NRG1: variants seen among roughly 807,000 people sequenced by gnomAD.
NRG1 encodes the protein neuregulin 1.
NRG1 carries 18 observed loss-of-function variants against 63.8 expected under a neutral mutation model. The ratio of observed to expected loss-of-function variants is 0.28; its 90% CI spans 0.19 to 0.42. NRG1 has a LOEUF of 0.42. Ranked by LOEUF, NRG1 falls within the 10% of genes least tolerant of loss-of-function variation. The probability of loss-of-function intolerance (pLI) is 1.00; values close to 1 mark genes in which losing one functional copy is unlikely to be tolerated. For synonymous variants in NRG1, 302 were observed against 301.3 expected (o/e 1.00, Z -0.02); for missense variants, 762 against 814.7 (o/e 0.94, Z 0.79).
intron 5 of NRG1, among the ~76,000 whole-genome samples, chr8:32,717,540 A>G (rs1007486375): frequency 1.3e-5 from 2 of 152,176 alleles, no homozygotes; most frequent in African/African-American, 4.8e-5. Flanking sequence ...AAATTAGCCA[A>G]GTGTTATGGA....
chr8:32,565,098 T>C (rs1183972473), intron 1 of NRG1, among the ~76,000 whole-genome samples: 2 of 152,090 alleles, frequency 1.3e-5, no homozygotes, highest in Non-Finnish European at 2.9e-5. Flanking sequence ...AACAAATCTT[T>C]TTTGAAGTTA....
At chr8:32,771,894 A>G (rs1831831417), downstream of NRG1, among the ~76,000 whole-genome samples, 1 of 147,172 alleles carries the variant, frequency 6.8e-6, no homozygotes. Context: ...GTGGTGGCAC[A>G]TGCCTGTAAT....
At chr8:31,980,907 T>C (rs2129630758) in intron 1 of NRG1, among the ~76,000 whole-genome samples, 1 of 152,182 alleles carries the variant, frequency 6.6e-6, no homozygotes, top group Non-Finnish European at 1.5e-5. Flanking sequence ...TGTCAATGAA[T>C]GTGACAATGT....
intron 1 of NRG1, among the ~76,000 whole-genome samples, chr8:32,472,935 C>T (rs7844597): frequency 0.5 from 75,878 of 152,018 alleles, 19,502 homozygotes; most frequent in Non-Finnish European, 0.52. Flanking sequence ...TCCTGGAATT[C>T]TAATAGTATT....
intron 1 of NRG1, among the ~76,000 whole-genome samples, chr8:31,873,054 A>G (rs769716311): frequency 4.6e-5 from 7 of 152,238 alleles, no homozygotes; most frequent in Non-Finnish European, 1.0e-4. Context: ...CTCATGTTTC[A>G]CATACTTCTT....
intron 1 of NRG1, among the ~76,000 whole-genome samples, chr8:32,300,681 G>A (rs1396340248): frequency 1.3e-5 from 2 of 152,170 alleles, no homozygotes; most frequent in East Asian, 3.9e-4. Flanking sequence ...TTTTGTTGTA[G>A]CTTTAGATTG....
intron 1 of NRG1, among the ~76,000 whole-genome samples, chr8:32,200,220 C>T (rs1025297808): frequency 4.6e-5 from 7 of 152,130 alleles, no homozygotes; most frequent in Admixed American, 3.9e-4. Flanking sequence ...ACTAATGTTT[C>T]CTCTAGTGTT....
chr8:31,834,790 A>C (rs1825542601), intron 1 of NRG1, among the ~76,000 whole-genome samples: 2 of 152,238 alleles, frequency 1.3e-5, no homozygotes, highest in Non-Finnish European at 2.9e-5. Context: ...ATGGTTTAAC[A>C]ACCTCAGTGA....
intron 1 of NRG1, among the ~76,000 whole-genome samples, chr8:31,877,885 G>T (rs114519573): frequency 0.01 from 1,587 of 152,292 alleles, 31 homozygotes; most frequent in African/African-American, 0.037. Context: ...GGATTTTGAT[G>T]TAGGTTAGAG....
intron 1 of NRG1, chr8:32,192,246 A>G (rs1170300349): frequency 6.6e-6 from 1 of 152,332 alleles, no homozygotes; most frequent in African/African-American, 2.4e-5. Context: ...TACTGGGTAT[A>G]TATCCAAAAA....
chr8:31,813,304 T>C (rs1212553099), intron 1 of NRG1, among the ~76,000 whole-genome samples: 1 of 152,186 alleles, frequency 6.6e-6, no homozygotes, highest in Admixed American at 6.5e-5. Flanking sequence ...TGTATGTATG[T>C]ATGGGGTACA....
chr8:32,252,739 A>G (rs1290737799), intron 1 of NRG1, among the ~76,000 whole-genome samples: 2 of 152,112 alleles, frequency 1.3e-5, no homozygotes, highest in South Asian at 2.1e-4. Flanking sequence ...AAGAAAGTCA[A>G]TAGTAGCTTG....
At chr8:32,346,048 A>AG (rs2129478877) in intron 1 of NRG1, among the ~76,000 whole-genome samples, 1 of 147,838 alleles carries the variant, frequency 6.8e-6, no homozygotes, top group Admixed American at 6.8e-5. Flanking sequence ...TATAAATTAT[A>AG]TATTAATTCT....
chr8:31,900,006 T>A (rs2129615135), intron 1 of NRG1, among the ~76,000 whole-genome samples: 1 of 152,338 alleles, frequency 6.6e-6, no homozygotes, highest in East Asian at 1.9e-4. Flanking sequence ...ATGCACATTT[T>A]GAGTATCATT....
At chr8:31,732,853 C>A (rs1814237682) in intron 1 of NRG1, among the ~76,000 whole-genome samples, 1 of 152,092 alleles carries the variant, frequency 6.6e-6, no homozygotes, top group Non-Finnish European at 1.5e-5. Context: ...CGTGATTGCA[C>A]CAGGCCACTG....
chr8:32,388,022 GC>G (rs1199190388), intron 1 of NRG1, among the ~76,000 whole-genome samples: 2 of 152,014 alleles, frequency 1.3e-5, no homozygotes, highest in African/African-American at 4.8e-5. Context: ...GGATTCTAAT[GC>G]CCAGGTGACC....
intron 1 of NRG1, among the ~76,000 whole-genome samples, chr8:31,665,455 A>G (rs551641698): frequency 6.6e-6 from 1 of 152,346 alleles, no homozygotes; most frequent in Admixed American, 6.5e-5. Context: ...GAGTTTAAAC[A>G]GTGGTCTAGG....
intron 1 of NRG1, among the ~76,000 whole-genome samples, chr8:31,729,239 T>A (rs1292054886): frequency 5.5e-4 from 5 of 9,078 alleles, no homozygotes; most frequent in Non-Finnish European, 2.7e-4. Flanking sequence ...TAAACAAAGT[T>A]TTTTTTTTTT....
chr8:32,476,800 C>T (rs1051030747), intron 1 of NRG1, among the ~76,000 whole-genome samples: 2 of 152,104 alleles, frequency 1.3e-5, no homozygotes, highest in Admixed American at 6.5e-5. Flanking sequence ...AACTGAATTT[C>T]GTGGTTAATT....
Sources: allele counts gnomAD v4.1 joint callset (sites outside exome capture counted in the v4.1 genomes callset), GRCh38; gene constraint gnomAD v4.1.1; transcripts MANE v1.5; gene names NCBI Gene and HGNC (gene_info 2026-07-23, HGNC 2026-07-21).